DOCK11: variants seen among roughly 807,000 people sequenced by gnomAD.
The protein encoded by DOCK11 is dedicator of cytokinesis protein 11.
In DOCK11, 70 loss-of-function variants were observed where a neutral mutation model predicts 169.1. The observed-to-expected ratio is 0.41, with a 90% CI of 0.34 to 0.51. The LOEUF (loss-of-function observed/expected upper bound fraction) is 0.51. Ranked by LOEUF, DOCK11 falls within the 20% of genes least tolerant of loss-of-function variation. The probability of loss-of-function intolerance (pLI) is 0.10; values close to 1 mark genes in which losing one functional copy is unlikely to be tolerated. For missense variants in DOCK11, 1,166 were observed against 1,538.8 expected, an observed-to-expected ratio of 0.76 and a Z score of 4.05; for synonymous variants, 529 against 541.3, an observed-to-expected ratio of 0.98 and a Z score of 0.32.
At chrX:118,617,096 CA>C (rs759055998) in intron 30 of DOCK11, among the ~76,000 whole-genome samples, 1 of 111,881 alleles carries the variant, frequency 8.9e-6, no homozygotes, top group Non-Finnish European at 1.9e-5. Context: ...AAGTGCTGAA[CA>C]GGCCAAAAGA....
chrX:118,597,354 C>T, intron 20 of DOCK11, 77 bp from the exon 21 acceptor site: 2 of 1,174,881 alleles, frequency 1.7e-6, no homozygotes, highest in Non-Finnish European at 2.3e-6. Flanking sequence ...CCCTGCCCTG[C>T]CCCCTAGCAG....
intron 35 of DOCK11, among the ~76,000 whole-genome samples, chrX:118,634,646 G>C (rs748605795): frequency 8.9e-6 from 1 of 112,849 alleles, no homozygotes; most frequent in Non-Finnish European, 1.9e-5. Flanking sequence ...GGACTTCTGG[G>C]GGGGAACCCA....
intron 1 of DOCK11, among the ~76,000 whole-genome samples, chrX:118,502,197 G>C (rs1209492330): frequency 9.0e-6 from 1 of 111,337 alleles, no homozygotes; most frequent in Non-Finnish European, 1.9e-5. Context: ...ACCCAGCCCT[G>C]ACAAATGATT....
chrX:118,611,301 G>A (rs1006672710), intron 28 of DOCK11, among the ~76,000 whole-genome samples: 6 of 112,082 alleles, frequency 5.4e-5, no homozygotes, highest in Non-Finnish European at 9.4e-5. Context: ...ATCCCCCAAT[G>A]AAATGACAAA....
intron 1 of DOCK11, among the ~76,000 whole-genome samples, chrX:118,501,493 GTAA>G (rs1312656849): frequency 8.9e-6 from 1 of 111,853 alleles, no homozygotes; most frequent in African/African-American, 3.3e-5. Flanking sequence ...CTCAAAAAAA[GTAA>G]TAATAATAAT....
chrX:118,510,867 C>G (rs2057647009), intron 1 of DOCK11, among the ~76,000 whole-genome samples: 1 of 111,875 alleles, frequency 8.9e-6, no homozygotes, highest in South Asian at 3.7e-4. Context: ...GAAAATCTAT[C>G]TGAGTTCTTT....
rs200612072 is a variant in DOCK11 at position 118,685,666 on chromosome X, A to G, written c.6103-22A>G. 115 of 1,197,906 alleles carry G rather than the reference A, an allele frequency of 9.6e-5. 1 individual carries two copies. The Admixed American group carries it at 2.5e-3, about 26-fold the overall frequency. On this transcript the variant is annotated intron_variant, in intron 52 of 52. Coordinates refer to ENST00000276202, the MANE Select transcript of DOCK11 (RefSeq NM_144658.4). ...GTGGCTATTTTGCTTCATGATAATC[A>G]TGCTGATTTCTTCTGTTTTAGATAT...
At chrX:118,608,948 A>G (rs765389832) in intron 26 of DOCK11, among the ~76,000 whole-genome samples, 3 of 111,380 alleles carry the variant, frequency 2.7e-5, no homozygotes, top group Non-Finnish European at 5.6e-5. Context: ...TTCATTGTCT[A>G]TAGAGCATTT....
At chrX:118,590,988 T>G (rs182848538) in intron 19 of DOCK11, among the ~76,000 whole-genome samples, 9 of 112,506 alleles carry the variant, frequency 8.0e-5, no homozygotes, top group African/African-American at 2.3e-4. Flanking sequence ...CACAGCCACT[T>G]CTGGTCTGTA....
intron 24 of DOCK11, among the ~76,000 whole-genome samples, chrX:118,607,261 C>CAT (rs2014546169): frequency 9.8e-6 from 1 of 101,838 alleles, no homozygotes; most frequent in Admixed American, 1.1e-4. Context: ...GGATTACAGG[C>CAT]GCCCACCACC....
At chrX:118,606,604 G>A (rs1411205896) in intron 24 of DOCK11, among the ~76,000 whole-genome samples, 2 of 112,205 alleles carry the variant, frequency 1.8e-5, no homozygotes, top group African/African-American at 6.5e-5. Flanking sequence ...AGTGCTGGAA[G>A]TTTCTGGCTT....
chrX:118,545,084 C>T (rs2012213715), intron 4 of DOCK11, among the ~76,000 whole-genome samples: 1 of 110,384 alleles, frequency 9.1e-6, no homozygotes, highest in African/African-American at 3.3e-5. Flanking sequence ...TATGTCTTCG[C>T]TGCTGGCCAC....
intron 14 of DOCK11, 22 bp downstream of exon 14, chrX:118,580,201 A>G: frequency 2.6e-6 from 3 of 1,168,431 alleles, no homozygotes; most frequent in Non-Finnish European, 3.5e-6. Flanking sequence ...TATAATCCTG[A>G]CCCGCTCACT....
At chrX:118,630,925 C>G (rs1402492527) in intron 35 of DOCK11, among the ~76,000 whole-genome samples, 2 of 111,597 alleles carry the variant, frequency 1.8e-5, no homozygotes, top group African/African-American at 6.5e-5. Context: ...TAGGGAATGT[C>G]ATCATTATCT....
chrX:118,566,285 T>C (rs1369501730), intron 8 of DOCK11, 103 bp downstream of exon 8: 1 of 786,392 alleles, frequency 1.3e-6, no homozygotes, highest in Non-Finnish European at 1.8e-6. Context: ...ATCTTAAAAG[T>C]TGACCTGCTT....
At chrX:118,589,574 A>C (rs1330239838) in intron 18 of DOCK11, among the ~76,000 whole-genome samples, 1 of 111,924 alleles carries the variant, frequency 8.9e-6, no homozygotes, top group Admixed American at 9.5e-5. Context: ...AAAAAATCCC[A>C]CTAGAAATGA....
chrX:118,565,400 A>T (rs933697411), intron 7 of DOCK11, among the ~76,000 whole-genome samples: 1 of 112,167 alleles, frequency 8.9e-6, no homozygotes, highest in Non-Finnish European at 1.9e-5. Context: ...GAACATTCCA[A>T]ATCCACTCTT....
rs765820929 is a variant in DOCK11 at position 118,622,680 on chromosome X, A to G, written c.3472-1859A>G. On this transcript the variant is annotated intron_variant, in intron 31 of 52. Coordinates refer to ENST00000276202, the MANE Select transcript of DOCK11 (RefSeq NM_144658.4). The stretch of plus-strand genomic sequence containing the variant: ...CCTCACATTAATTGATATCATTATT[A>G]TTACCCCCATTTTACCAAAGAGAAA... Among the ~76,000 whole-genome samples the G allele has an allele frequency of 2.7e-5, 3 of 111,782 alleles. No homozygotes were observed. In the South Asian group the frequency reaches 1.1e-3, roughly 41 times the overall value.
intron 1 of DOCK11, 95 bp downstream of exon 1, chrX:118,496,168 G>T (rs2057535313): frequency 1.4e-5 from 8 of 589,616 alleles, no homozygotes; most frequent in Non-Finnish European, 1.3e-5. Context: ...GCCGCTTGGT[G>T]CGCCGCGCGC....
Sources: allele counts gnomAD v4.1 joint callset (sites outside exome capture counted in the v4.1 genomes callset), GRCh38; gene constraint gnomAD v4.1.1; transcripts MANE v1.5; gene names NCBI Gene and HGNC (gene_info 2026-07-23, HGNC 2026-07-21).